The following ZRANB3 variants were observed in gnomAD, a reference collection of about 807,000 sequenced individuals.
ZRANB3 encodes DNA annealing helicase and endonuclease ZRANB3.
ZRANB3 carries 125 observed loss-of-function variants against 133.8 expected under a neutral mutation model. That is an observed-to-expected ratio of 0.93 (90% CI 0.81 to 1.08). The LOEUF (loss-of-function observed/expected upper bound fraction) is 1.08, where lower values mean the gene tolerates loss of function less well. ZRANB3 is among the 50% of genes least tolerant of loss of function. The probability of loss-of-function intolerance (pLI) is 0.00; values close to 1 mark genes in which losing one functional copy is unlikely to be tolerated. For missense variants in ZRANB3, 1,229 were observed against 1,275.5 expected, an observed-to-expected ratio of 0.96 and a Z score of 0.56; for synonymous variants, 387 against 432.7, an observed-to-expected ratio of 0.89 and a Z score of 1.31.
At chr2:135,332,333 C>T (rs1179116239) in intron 6 of ZRANB3, among the ~76,000 whole-genome samples, 1 of 152,128 alleles carries the variant, frequency 6.6e-6, no homozygotes, top group African/African-American at 2.4e-5. Flanking sequence ...TAGAACATGA[C>T]AGATCTTTAA....
chr2:135,431,228 G>C (rs1400963606), intron 2 of ZRANB3, among the ~76,000 whole-genome samples: 1 of 151,652 alleles, frequency 6.6e-6, no homozygotes, highest in Non-Finnish European at 1.5e-5. Context: ...GAGAGTCGAG[G>C]CTGCAGTGAT....
At chr2:135,291,065 C>T (rs1681687329) in intron 8 of ZRANB3, among the ~76,000 whole-genome samples, 1 of 152,098 alleles carries the variant, frequency 6.6e-6, no homozygotes, top group Non-Finnish European at 1.5e-5. Context: ...TTTCACCATG[C>T]TGGCCAGGTT....
rs1694675867 is a variant in ZRANB3, at chr2:135,224,420, G to A, written c.2250+6C>T. On this transcript the variant is annotated splice_donor_region_variant and intron_variant, in intron 15 of 20. Coordinates refer to ENST00000264159, the MANE Select transcript of ZRANB3 (RefSeq NM_032143.4). The stretch of plus-strand genomic sequence containing the variant: ...TTTCAAGTTACAGAATCTGCATGAC[G>A]CTTACCTTAGTATAGATGTGAATCC... 3 of 1,593,924 alleles carry A rather than the reference G, an allele frequency of 1.9e-6. No homozygotes were observed. Among genetic ancestry groups the A allele is most frequent in the Non-Finnish European group, 1.7e-6 (2 of 1,168,208 alleles).
At chr2:135,333,724 CACA>C (rs1267100888) in intron 6 of ZRANB3, among the ~76,000 whole-genome samples, 1 of 152,038 alleles carries the variant, frequency 6.6e-6, no homozygotes, top group African/African-American at 2.4e-5. Flanking sequence ...GTAATGGTTG[CACA>C]ACAACAGAAT....
chr2:135,281,894 T>G (rs915874539), intron 8 of ZRANB3, among the ~76,000 whole-genome samples: 1 of 152,212 alleles, frequency 6.6e-6, no homozygotes, highest in African/African-American at 2.4e-5. Flanking sequence ...AGGTAAACAT[T>G]AATTAACTTT....
In ZRANB3 at chr2:135,315,227, T is replaced by C. The variant is rs1439203956; in HGVS notation, c.849+132A>G. Reference sequence around the variant, plus strand: ...CTTGCTGAAATACAAAACCAATGTATAGGCTCTATTAATTAAACCTATTTT... The same window carrying C: ...CTTGCTGAAATACAAAACCAATGTACAGGCTCTATTAATTAAACCTATTTT... On this transcript the variant is annotated intron_variant, in intron 7 of 20. Transcript: ENST00000264159. 5 of 842,102 alleles carry C rather than the reference T, an allele frequency of 5.9e-6. No homozygotes were observed. The East Asian group carries it at 1.3e-4, about 22-fold the overall frequency. The allele number at this position is 842,102 out of a possible 1,614,324, so 52.2% of individuals were successfully genotyped here.
rs1433024330 is a variant in ZRANB3, at chr2:135,307,530, T to C, written c.966+5959A>G. ...ATCTTTTCTATTTGATGCTTTAACA[T>C]ATTATTCATAGCTATCTTAAAGCCC... On this transcript the variant is annotated intron_variant, in intron 8 of 20. Coordinates refer to ENST00000264159, the MANE Select transcript of ZRANB3 (RefSeq NM_032143.4). 3.3e-5 allele frequency among the ~76,000 whole-genome samples: 5 copies of C among 152,272 alleles called. No homozygotes were observed. The East Asian group carries it at 5.8e-4, about 18-fold the overall frequency.
At chr2:135,325,045 AACTT>A (rs1683742686) in intron 6 of ZRANB3, among the ~76,000 whole-genome samples, 2 of 152,174 alleles carry the variant, frequency 1.3e-5, no homozygotes, top group South Asian at 4.1e-4. Context: ...TGAATTTGAA[AACTT>A]ACTATTATAA....
At chr2:135,358,383 C>A (rs1172479585) in intron 3 of ZRANB3, among the ~76,000 whole-genome samples, 1 of 152,054 alleles carries the variant, frequency 6.6e-6, no homozygotes, top group African/African-American at 2.4e-5. Context: ...GTAGAAGCAG[C>A]CTGTTTGACT....
intron 3 of ZRANB3, among the ~76,000 whole-genome samples, chr2:135,360,057 T>G (rs1685602902): frequency 6.6e-6 from 1 of 152,158 alleles, no homozygotes; most frequent in Admixed American, 6.5e-5. Flanking sequence ...CAGTTCTAAA[T>G]AAAATTTGAA....
chr2:135,358,134 T>G (rs1477603636), intron 3 of ZRANB3, among the ~76,000 whole-genome samples: 1 of 152,214 alleles, frequency 6.6e-6, no homozygotes, highest in South Asian at 2.1e-4. Context: ...AGTACCACAA[T>G]ACTGCTAAAA....
At chr2:135,313,189 TAA>T in intron 8 of ZRANB3, among the ~76,000 whole-genome samples, 1 of 151,504 alleles carries the variant, frequency 6.6e-6, no homozygotes. Flanking sequence ...AATTTTTCCA[TAA>T]AAAAGAGTTA....
At chr2:135,406,555 C>T (rs1018620400) in intron 2 of ZRANB3, among the ~76,000 whole-genome samples, 59 of 152,158 alleles carry the variant, frequency 3.9e-4, no homozygotes, top group East Asian at 9.7e-4. Context: ...TGATGAACAT[C>T]GATGCAAAAA....
chr2:135,502,244 T>G (rs77029835), intron 2 of ZRANB3, among the ~76,000 whole-genome samples: 1,569 of 152,254 alleles, frequency 0.01, 25 homozygotes, highest in African/African-American at 0.036. Flanking sequence ...GAAAGGACAA[T>G]TCTAAGCTTC....
At chr2:135,508,969 A>AATAT (rs3047970) in intron 1 of ZRANB3, among the ~76,000 whole-genome samples, 9 of 151,956 alleles carry the variant, frequency 5.9e-5, no homozygotes, top group African/African-American at 2.2e-4. Context: ...GGTTTTATTC[A>AATAT]ATATATATAT....
chr2:135,304,662 T>C (rs779622297), intron 8 of ZRANB3, among the ~76,000 whole-genome samples: 13 of 152,116 alleles, frequency 8.5e-5, no homozygotes, highest in South Asian at 2.1e-4. Context: ...AGTGAAACCA[T>C]TGAGGCCTCA....
Position 135,199,957 on chromosome 2 carries a change from C to A in ZRANB3, c.*385G>T. 1 of 228,182 alleles carries A rather than the reference C, an allele frequency of 4.4e-6. No homozygotes were observed. Among genetic ancestry groups the A allele is most frequent in the Non-Finnish European group, 8.8e-6 (1 of 114,116 alleles). The allele number at this position is 228,182 out of a possible 1,614,324, so 14.1% of individuals were successfully genotyped here. Reference sequence around the variant, plus strand: ...TTTCCCATAAGGTTTTGCAATGTTCCACTCATACCTATGACAGTCCAGAAC... The same window carrying A: ...TTTCCCATAAGGTTTTGCAATGTTCAACTCATACCTATGACAGTCCAGAAC... On this transcript the variant is annotated 3_prime_UTR_variant, in exon 21 of 21. Coordinates refer to ENST00000264159, the MANE Select transcript of ZRANB3 (RefSeq NM_032143.4).
At chr2:135,472,511 A>C (rs941079397) in intron 2 of ZRANB3, among the ~76,000 whole-genome samples, 1 of 151,576 alleles carries the variant, frequency 6.6e-6, no homozygotes, top group African/African-American at 2.4e-5. Flanking sequence ...AAAAAAAAAA[A>C]AAAAAAAAAC....
At chr2:135,443,454 G>A (rs1242127900) in intron 2 of ZRANB3, among the ~76,000 whole-genome samples, 1 of 151,710 alleles carries the variant, frequency 6.6e-6, no homozygotes, top group Non-Finnish European at 1.5e-5. Flanking sequence ...GATGGGTGCA[G>A]CAAAACAACA....
Sources: allele counts gnomAD v4.1 joint callset (sites outside exome capture counted in the v4.1 genomes callset), GRCh38; gene constraint gnomAD v4.1.1; transcripts MANE v1.5; gene names NCBI Gene and HGNC (gene_info 2026-07-23, HGNC 2026-07-21).